The following RUNDC3B variants were observed in gnomAD, a reference collection of about 807,000 sequenced individuals.
RUNDC3B encodes the protein RUN domain-containing protein 3B.
Under a neutral mutation model 58.4 loss-of-function variants are expected in RUNDC3B, and 33 were observed. The observed-to-expected ratio is 0.56, with a 90% CI of 0.43 to 0.75. The LOEUF is 0.75. Ranked by LOEUF, RUNDC3B falls within the 30% of genes least tolerant of loss-of-function variation. RUNDC3B has a pLI of 0.00. For synonymous variants in RUNDC3B, 193 were observed against 195.2 expected, an observed-to-expected ratio of 0.99 and a Z score of 0.10; for missense variants, 501 against 535.7, an observed-to-expected ratio of 0.94 and a Z score of 0.64.
chr7:87,754,759 A>G (rs1172132459), intron 6 of RUNDC3B, among the ~76,000 whole-genome samples: 4 of 152,156 alleles, frequency 2.6e-5, no homozygotes, highest in African/African-American at 7.2e-5. Context: ...GGATGTTACC[A>G]TAGACCCCAC....
chr7:87,714,070 T>G (rs1230582402), intron 4 of RUNDC3B, among the ~76,000 whole-genome samples: 1 of 152,204 alleles, frequency 6.6e-6, no homozygotes, highest in East Asian at 1.9e-4. Context: ...TGACAAATAC[T>G]TTTCTCAATT....
intron 3 of RUNDC3B, among the ~76,000 whole-genome samples, chr7:87,701,507 A>G (rs1017996444): frequency 4.6e-5 from 7 of 152,340 alleles, no homozygotes; most frequent in Admixed American, 1.3e-4. Flanking sequence ...CATAACTTGT[A>G]TTTTCCAAAT....
chr7:87,707,951 A>T (rs1829753317), intron 3 of RUNDC3B, among the ~76,000 whole-genome samples: 1 of 152,070 alleles, frequency 6.6e-6, no homozygotes, highest in Admixed American at 6.5e-5. Flanking sequence ...ATAAATCACA[A>T]TTGAAATTGA....
chr7:87,743,826 A>T (rs994257046), intron 6 of RUNDC3B, among the ~76,000 whole-genome samples: 6 of 152,150 alleles, frequency 3.9e-5, no homozygotes, highest in Non-Finnish European at 8.8e-5. Context: ...ATTAGGTCCC[A>T]GCTATTTATC....
intron 1 of RUNDC3B, among the ~76,000 whole-genome samples, chr7:87,630,001 TAA>T (rs1190334708): frequency 6.6e-6 from 1 of 152,174 alleles, no homozygotes; most frequent in Non-Finnish European, 1.5e-5. Flanking sequence ...ATATTTTCTT[TAA>T]GTCTTATATC....
chr7:87,788,938 G>A (rs915553972), intron 8 of RUNDC3B, among the ~76,000 whole-genome samples: 2 of 151,998 alleles, frequency 1.3e-5, no homozygotes, highest in South Asian at 2.1e-4. Flanking sequence ...TGAGAATATC[G>A]ACAATAATAA....
intron 3 of RUNDC3B, among the ~76,000 whole-genome samples, chr7:87,707,106 G>C (rs763259529): frequency 2.2e-4 from 33 of 152,134 alleles, no homozygotes; most frequent in Non-Finnish European, 2.6e-4. Flanking sequence ...TACTCTGACT[G>C]ACTGCCAAAA....
At chr7:87,741,865 A>G (rs1264381030) in intron 6 of RUNDC3B, among the ~76,000 whole-genome samples, 1 of 152,304 alleles carries the variant, frequency 6.6e-6, no homozygotes, top group South Asian at 2.1e-4. Flanking sequence ...ACTTTAATAG[A>G]TCTGAAATAG....
At chr7:87,660,738 T>A (rs745461430) in intron 2 of RUNDC3B, among the ~76,000 whole-genome samples, 1 of 152,162 alleles carries the variant, frequency 6.6e-6, no homozygotes, top group South Asian at 2.1e-4. Context: ...CTGCTTTGGC[T>A]AAATTTATGT....
chr7:87,807,817 G>A (rs1233288290), intron 9 of RUNDC3B, among the ~76,000 whole-genome samples: 2 of 152,000 alleles, frequency 1.3e-5, no homozygotes, highest in East Asian at 3.9e-4. Context: ...TTTGCCTTAG[G>A]ACTAATTTTC....
At chr7:87,764,381 CA>C (rs1833862000) in intron 6 of RUNDC3B, among the ~76,000 whole-genome samples, 1 of 151,784 alleles carries the variant, frequency 6.6e-6, no homozygotes, top group Admixed American at 6.6e-5. Context: ...CTTTAAGTCT[CA>C]AATAAATATC....
intron 6 of RUNDC3B, among the ~76,000 whole-genome samples, chr7:87,761,304 A>G (rs965758236): frequency 4.6e-5 from 7 of 152,002 alleles, no homozygotes; most frequent in Non-Finnish European, 7.4e-5. Flanking sequence ...AAGGATAGCT[A>G]TATCCAAAAT....
intron 2 of RUNDC3B, among the ~76,000 whole-genome samples, chr7:87,684,072 A>G (rs1827203803): frequency 1.3e-5 from 2 of 152,226 alleles, no homozygotes; most frequent in Non-Finnish European, 2.9e-5. Flanking sequence ...ATAGAAAAGC[A>G]TTTGACAAAA....
At chr7:87,800,638 CTCA>C (rs1426113014) in intron 8 of RUNDC3B, among the ~76,000 whole-genome samples, 1 of 151,278 alleles carries the variant, frequency 6.6e-6, no homozygotes, top group Non-Finnish European at 1.5e-5. Flanking sequence ...CATTTCTCCA[CTCA>C]TCTTTTCTTT....
chr7:87,796,455 G>A (rs914680438), intron 8 of RUNDC3B, among the ~76,000 whole-genome samples: 1 of 152,098 alleles, frequency 6.6e-6, no homozygotes, highest in Non-Finnish European at 1.5e-5. Context: ...ATAACTAAAA[G>A]TAAAATCGGA....
chr7:87,748,041 T>G (rs965254431), intron 6 of RUNDC3B, among the ~76,000 whole-genome samples: 2 of 152,164 alleles, frequency 1.3e-5, no homozygotes, highest in Non-Finnish European at 2.9e-5. Context: ...CAGCTAGAGA[T>G]TTCCTTTTCC....
At chr7:87,755,147 C>T (rs554337807) in intron 6 of RUNDC3B, among the ~76,000 whole-genome samples, 14 of 151,866 alleles carry the variant, frequency 9.2e-5, no homozygotes, top group African/African-American at 2.2e-4. Context: ...CTCAGCCTCC[C>T]GAGTAGCTGG....
At chr7:87,811,570 T>C (rs1158294989) in intron 9 of RUNDC3B, among the ~76,000 whole-genome samples, 1 of 152,212 alleles carries the variant, frequency 6.6e-6, no homozygotes, top group African/African-American at 2.4e-5. Context: ...TCTCTTGACC[T>C]CATGACCCAC....
At chr7:87,791,897 A>C (rs1006411547) in intron 8 of RUNDC3B, among the ~76,000 whole-genome samples, 1 of 152,022 alleles carries the variant, frequency 6.6e-6, no homozygotes, top group Non-Finnish European at 1.5e-5. Context: ...AAGAGACTAA[A>C]CTCTCCAACG....
Sources: gnomAD v4.1 joint callset for allele counts (sites outside exome capture counted in the v4.1 genomes callset) on GRCh38, gnomAD v4.1.1 for gene constraint, MANE v1.5 for transcripts, NCBI Gene and HGNC (gene_info 2026-07-23, HGNC 2026-07-21) for gene names.